The following CCDC91 variants were observed in gnomAD, a reference collection of about 807,000 sequenced individuals.
The protein encoded by CCDC91 is coiled-coil domain containing 91.
A neutral mutation model predicts 63.2 loss-of-function variants in CCDC91; 48 were observed. The ratio of observed to expected loss-of-function variants is 0.76; its 90% CI spans 0.60 to 0.97. The LOEUF is 0.97. Among genes scored for constraint, CCDC91 ranks in the 50% least tolerant of loss-of-function variants. The pLI is 0.00. For missense variants in CCDC91, 500 were observed against 494.6 expected (o/e 1.01, Z -0.10); for synonymous variants, 167 against 165.8 (o/e 1.01, Z -0.06).
intron 3 of CCDC91, among the ~76,000 whole-genome samples, chr12:28,286,375 C>G (rs538141991): frequency 6.6e-6 from 1 of 152,280 alleles, no homozygotes; most frequent in South Asian, 2.1e-4. Flanking sequence ...CCACCCTCCA[C>G]CTTCTGGTAG....
At chr12:28,372,147 T>G (rs1428506765) in intron 7 of CCDC91, among the ~76,000 whole-genome samples, 1 of 152,210 alleles carries the variant, frequency 6.6e-6, no homozygotes, top group Non-Finnish European at 1.5e-5. Flanking sequence ...CACTTGGCTG[T>G]AAGCATTTGG....
rs576436926 is a variant in CCDC91 at position 28,274,140 on chromosome 12, C to T, written c.109+14698C>T. Among the ~76,000 whole-genome samples, 5 of 152,194 alleles carry T rather than the reference C, an allele frequency of 3.3e-5. No individual in the cohort carries two copies. In the East Asian group the frequency reaches 5.8e-4, roughly 18 times the overall value. The stretch of plus-strand genomic sequence containing the variant: ...TGTTTTTCTCAGGTTTGTCAAAGAT[C>T]GGATAGTTGTAGATATGCAGCATTA... On this transcript the variant is annotated intron_variant, in intron 3 of 12. Transcript: ENST00000536442.
chr12:28,251,091 T>C (rs1259186199), intron 1 of CCDC91, among the ~76,000 whole-genome samples: 3 of 151,914 alleles, frequency 2.0e-5, no homozygotes, highest in East Asian at 3.9e-4. Flanking sequence ...TTAAACAGGA[T>C]CAAATGGAAA....
chr12:28,460,142 GAAATCTT>G lies in CCDC91; in HGVS notation c.1101+7489_1101+7495del, dbSNP rs530705503. 4.6e-5 allele frequency among the ~76,000 whole-genome samples: 7 copies of G among 152,182 alleles called. No individual in the cohort carries two copies. In the South Asian group the frequency reaches 1.5e-3, roughly 32 times the overall value. On this transcript the variant is annotated intron_variant, in intron 11 of 12. Transcript: ENST00000536442. ...CTGTTGTTCACAGTAAGAAAATGAG[GAAATCTT>G]TAAAGCTGTTAGTAATTGTCTTGGG...
At chr12:28,219,106 C>T (rs954957502) in intron 1 of CCDC91, among the ~76,000 whole-genome samples, 3 of 152,208 alleles carry the variant, frequency 2.0e-5, no homozygotes, top group African/African-American at 4.8e-5. Context: ...TTCTCACCAA[C>T]ACTTGATATT....
intron 6 of CCDC91, among the ~76,000 whole-genome samples, chr12:28,351,107 A>G (rs1003829958): frequency 2.0e-5 from 3 of 152,298 alleles, no homozygotes; most frequent in African/African-American, 4.8e-5. Flanking sequence ...TCTCAACTCA[A>G]TAAAACATCA....
chr12:28,261,023 T>G (rs1178457451), intron 3 of CCDC91, among the ~76,000 whole-genome samples: 1 of 152,026 alleles, frequency 6.6e-6, no homozygotes, highest in Non-Finnish European at 1.5e-5. Flanking sequence ...TTTCAGATTC[T>G]ATTTCAGTTC....
At chr12:28,305,009 A>T (rs1333136026) in intron 3 of CCDC91, among the ~76,000 whole-genome samples, 1 of 152,142 alleles carries the variant, frequency 6.6e-6, no homozygotes, top group African/African-American at 2.4e-5. Context: ...TGTATGGACA[A>T]TTCAGCAAAC....
At chr12:28,363,917 TG>T (rs1944088860) in intron 7 of CCDC91, among the ~76,000 whole-genome samples, 3 of 148,516 alleles carry the variant, frequency 2.0e-5, no homozygotes, top group Admixed American at 2.0e-4. Flanking sequence ...AAAAATCATT[TG>T]GATAAAAGTA....
At chr12:28,437,760 T>C (rs527525433) in intron 8 of CCDC91, among the ~76,000 whole-genome samples, 1 of 152,098 alleles carries the variant, frequency 6.6e-6, no homozygotes, top group Non-Finnish European at 1.5e-5. Context: ...CCTTTTTTTT[T>C]AACAAAATAA....
chr12:28,438,942 T>C (rs1164494313), intron 8 of CCDC91, among the ~76,000 whole-genome samples: 2 of 152,144 alleles, frequency 1.3e-5, no homozygotes, highest in Non-Finnish European at 2.9e-5. Context: ...TCTGCTTAAA[T>C]TGAGGATTGT....
rs536179824 is a variant in CCDC91 at position 28,243,783 on chromosome 12, C to T, written c.-14-13419C>T. Among the ~76,000 whole-genome samples, 313 of 152,216 alleles carry T rather than the reference C, an allele frequency of 2.1e-3. 2 individuals are homozygous for T. The highest frequency in any genetic ancestry group is 7.1e-3 in the African/African-American group (294 of 41,544). On this transcript the variant is annotated intron_variant, in intron 1 of 12. Transcript: ENST00000536442. Reference sequence around the variant, plus strand: ...GGGAGAAATTAAAAGTCTGAATCTTCCCACAAAGAAAGCAACAAGCCCAAG... The same window carrying T: ...GGGAGAAATTAAAAGTCTGAATCTTTCCACAAAGAAAGCAACAAGCCCAAG...
intron 12 of CCDC91, among the ~76,000 whole-genome samples, chr12:28,533,868 A>C (rs1197691069): frequency 6.6e-6 from 1 of 151,206 alleles, no homozygotes; most frequent in Non-Finnish European, 1.5e-5. Context: ...ATTTGATTTG[A>C]TCAAGAGAAG....
At chr12:28,356,782 C>T (rs1270407723) in intron 6 of CCDC91, among the ~76,000 whole-genome samples, 1 of 152,102 alleles carries the variant, frequency 6.6e-6, no homozygotes. Context: ...ATATTATTTG[C>T]TAATTATGTT....
intron 12 of CCDC91, among the ~76,000 whole-genome samples, chr12:28,527,615 T>C (rs533475168): frequency 2.1e-5 from 2 of 93,952 alleles, no homozygotes; most frequent in African/African-American, 6.0e-5. Flanking sequence ...GCATCAGCTA[T>C]GGGAGTATGG....
At chr12:28,519,641 A>G (rs939687865) in intron 12 of CCDC91, among the ~76,000 whole-genome samples, 5 of 151,340 alleles carry the variant, frequency 3.3e-5, no homozygotes, top group African/African-American at 7.3e-5. Flanking sequence ...ACATATGTAT[A>G]CATGTGCCAT....
At chr12:28,470,270 A>G (rs1201206885) in intron 11 of CCDC91, among the ~76,000 whole-genome samples, 1 of 152,154 alleles carries the variant, frequency 6.6e-6, no homozygotes, top group Non-Finnish European at 1.5e-5. Flanking sequence ...AAAAATAGAG[A>G]AAATATTTGA....
rs76229369 is a variant in CCDC91, at chr12:28,478,576, C to T, written c.1102-5476C>T. Among the ~76,000 whole-genome samples, 962 of 152,074 alleles carry T rather than the reference C, an allele frequency of 6.3e-3. 10 individuals carry two copies. Among genetic ancestry groups the T allele is most frequent in the East Asian group, 0.033 (170 of 5,176 alleles). ...GGCAAGGACTTCATATTTAAAACAC[C>T]GAAAGCAATGGCAACAAAAGCCAAA... On this transcript the variant is annotated intron_variant, in intron 11 of 12. Coordinates refer to ENST00000536442, the MANE Select transcript of CCDC91 (RefSeq NM_018318.5).
chr12:28,260,987 A>G (rs1017494235), intron 3 of CCDC91, among the ~76,000 whole-genome samples: 2 of 151,986 alleles, frequency 1.3e-5, no homozygotes, highest in Non-Finnish European at 2.9e-5. Context: ...GATACACATA[A>G]CTGTGTTTAG....
Sources: allele counts gnomAD v4.1 joint callset (sites outside exome capture counted in the v4.1 genomes callset), GRCh38; gene constraint gnomAD v4.1.1; transcripts MANE v1.5; gene names NCBI Gene and HGNC (gene_info 2026-07-23, HGNC 2026-07-21).